The following STAC2 variants were observed in gnomAD, a reference collection of about 807,000 sequenced individuals.
The protein encoded by STAC2 is SH3 and cysteine rich domain 2, also known as SH3 and cysteine-rich domain-containing protein 2.
A neutral mutation model predicts 49.0 loss-of-function variants in STAC2; 36 were observed. That is an observed-to-expected ratio of 0.74 (90% CI 0.56 to 0.97). The LOEUF (loss-of-function observed/expected upper bound fraction) is 0.97. Among genes scored for constraint, STAC2 ranks in the 50% least tolerant of loss-of-function variants. The pLI, the probability that STAC2 is intolerant of heterozygous loss-of-function variation, is 0.00. For missense variants in STAC2, 527 were observed against 543.8 expected (o/e 0.97, Z 0.31); for synonymous variants, 239 against 214.7 (o/e 1.11, Z -0.99).
intron 1 of STAC2, among the ~76,000 whole-genome samples, chr17:39,222,072 C>T (rs756864557): frequency 1.1e-4 from 16 of 152,196 alleles, no homozygotes; most frequent in Non-Finnish European, 2.2e-4. Flanking sequence ...CGCCTATCAG[C>T]CCTCCTTCCT....
intron 8 of STAC2, 70 bp downstream of exon 8, chr17:39,214,163 C>G: frequency 6.4e-7 from 1 of 1,561,232 alleles, no homozygotes; most frequent in South Asian, 1.1e-5. Context: ...TGAAGGCCCC[C>G]CTCACACTGT....
chr17:39,221,381 C>G (rs562354630), intron 1 of STAC2, among the ~76,000 whole-genome samples: 151 of 152,242 alleles, frequency 9.9e-4, no homozygotes, highest in African/African-American at 3.2e-3. Flanking sequence ...TTACAGGCGT[C>G]AGCCACCGCG....
intron 1 of STAC2, among the ~76,000 whole-genome samples, chr17:39,220,827 C>G (rs1285435361): frequency 6.6e-6 from 1 of 151,404 alleles, no homozygotes; most frequent in Non-Finnish European, 1.5e-5. Flanking sequence ...GACGGAGTTT[C>G]ACTCTGTCGC....
intron 1 of STAC2, 51 bp from the exon 2 acceptor site, chr17:39,218,224 G>A: frequency 6.2e-7 from 1 of 1,603,952 alleles, no homozygotes; most frequent in Non-Finnish European, 8.5e-7. Flanking sequence ...GGGCTGGCCA[G>A]GGCGGGCTTC....
Position 39,215,003 on chromosome 17 carries a change from G to C in STAC2, c.720C>G (p.Thr240=), listed in dbSNP as rs35272507. The C allele has an allele frequency of 6.6e-5, 106 of 1,613,952 alleles. No individual in the cohort carries two copies. The African/African-American group carries it at 1.2e-3, about 18-fold the overall frequency. ...TGCGGATGCTGCCTTCCCCATCCTC[G>C]GTCAGCTCATCCCGCTCACTCTAGG... is the stretch of plus-strand genomic sequence containing the variant. ...TRSLSERDEL[T]EDGEGSIRSS... The change falls in exon 6 of 11, where the codon ACC becomes ACG. Residue 240 remains threonine, a synonymous_variant. Coordinates refer to ENST00000333461, the MANE Select transcript of STAC2 (RefSeq NM_198993.5).
chr17:39,222,423 G>C (rs2046471973), intron 1 of STAC2, among the ~76,000 whole-genome samples: 1 of 152,230 alleles, frequency 6.6e-6, no homozygotes, highest in African/African-American at 2.4e-5. Flanking sequence ...GCCACCTGGG[G>C]TGGCTGGCAG....
In STAC2 at chr17:39,212,352, G is replaced by A. The variant is rs764113751; in HGVS notation, c.1176C>T (p.Ile392=). 3.1e-6 allele frequency: 5 copies of A among 1,612,240 alleles called. No homozygotes were observed. The South Asian group carries it at 3.3e-5, about 11-fold the overall frequency. The change falls in exon 11 of 11, where the codon ATC becomes ATT. Residue 392 remains isoleucine, a synonymous_variant. Coordinates refer to ENST00000333461, the MANE Select transcript of STAC2 (RefSeq NM_198993.5). Reference sequence around the variant, plus strand: ...CCCGCTTCTTGCCACTGCTGACGCGGATGAAGCCGTCAGCATCCTTGCTTC... The same window carrying A: ...CCCGCTTCTTGCCACTGCTGACGCGAATGAAGCCGTCAGCATCCTTGCTTC... ...VGRSKDADGF[I]RVSSGKKRGL...
chr17:39,211,154 C>T lies in STAC2; in HGVS notation c.*1138G>A, dbSNP rs910930138. 2 of 152,388 alleles carry T rather than the reference C, an allele frequency of 1.3e-5. No homozygotes were observed. The highest frequency in any genetic ancestry group is 4.8e-5 in the African/African-American group (2 of 41,438). The allele number at this position is 152,388 out of a possible 1,614,324, so 9.4% of individuals were successfully genotyped here. A position where few individuals can be genotyped will look rare whatever the true frequency, so the allele number is the denominator to read the frequency against. The stretch of plus-strand genomic sequence containing the variant: ...CAGGAACTGACAGTCACAGGCTCCC[C>T]TGGCGGGTGGTTCCTGTGTGACCGG... On this transcript the variant is annotated 3_prime_UTR_variant, in exon 11 of 11. Coordinates refer to ENST00000333461, the MANE Select transcript of STAC2 (RefSeq NM_198993.5).
chr17:39,216,442 C>G (rs570157413), intron 4 of STAC2, among the ~76,000 whole-genome samples: 14 of 152,364 alleles, frequency 9.2e-5, no homozygotes, highest in African/African-American at 3.4e-4. Flanking sequence ...GAGTCCAGCA[C>G]TGTGCCTGGC....
At chr17:39,223,837 T>C (rs960083624) in intron 1 of STAC2, among the ~76,000 whole-genome samples, 5 of 152,190 alleles carry the variant, frequency 3.3e-5, no homozygotes, top group African/African-American at 9.7e-5. Flanking sequence ...GTTCAGCTCC[T>C]AGACCTTCTG....
intron 1 of STAC2, among the ~76,000 whole-genome samples, chr17:39,219,913 C>T (rs770591737): frequency 6.6e-6 from 1 of 152,168 alleles, no homozygotes; most frequent in Non-Finnish European, 1.5e-5. Flanking sequence ...GGGTAGCCTA[C>T]GTGCCATGGC....
In STAC2 at chr17:39,212,467, C is replaced by T. The variant is rs979307226; in HGVS notation, c.1132-71G>A. 3.4e-6 allele frequency: 4 copies of T among 1,186,648 alleles called. No individual in the cohort carries two copies. The African/African-American group carries it at 6.1e-5, about 18-fold the overall frequency. The allele number at this position is 1,186,648 out of a possible 1,614,324, so 73.5% of individuals were successfully genotyped here. On this transcript the variant is annotated intron_variant, in intron 10 of 10. Transcript: ENST00000333461. ...CCTGGCCCTGAGTCCTGCCCATGGCCCCCAGGGGACCCACCCTGGGGGATG... is the reference window on the plus strand; with the variant it reads ...CCTGGCCCTGAGTCCTGCCCATGGCTCCCAGGGGACCCACCCTGGGGGATG...
intron 1 of STAC2, among the ~76,000 whole-genome samples, chr17:39,220,015 AG>A (rs1374748811): frequency 6.6e-6 from 1 of 152,184 alleles, no homozygotes; most frequent in Non-Finnish European, 1.5e-5. Context: ...GGGGAAGCAG[AG>A]GGGATGTTTG....
chr17:39,216,541 G>C (rs1456371383), intron 4 of STAC2, among the ~76,000 whole-genome samples: 1 of 152,216 alleles, frequency 6.6e-6, no homozygotes, highest in East Asian at 1.9e-4. Context: ...AACATCCAGA[G>C]AAGGGAAATG....
In STAC2 at chr17:39,213,619, G is replaced by A. The variant is rs907295453; in HGVS notation, c.942-61C>T. ...GGGAGTAGTGCCCCTCCCCATCCTA[G>A]CAGACCCTGGGCACCTGGGGGACAC... On this transcript the variant is annotated intron_variant, in intron 8 of 10. Transcript: ENST00000333461. 5.1e-6 allele frequency: 8 copies of A among 1,559,958 alleles called. No individual in the cohort carries two copies. In the South Asian group the frequency reaches 8.9e-5, roughly 17 times the overall value.
intron 1 of STAC2, among the ~76,000 whole-genome samples, chr17:39,220,724 G>A (rs1033755326): frequency 3.9e-5 from 6 of 151,956 alleles, no homozygotes; most frequent in African/African-American, 7.3e-5. Context: ...TGCCCGCCTC[G>A]GCCTCCCAAA....
chr17:39,212,955 C>T (rs2046367469), intron 10 of STAC2, 40 bp downstream of exon 10: 5 of 1,606,640 alleles, frequency 3.1e-6, no homozygotes, highest in Non-Finnish European at 4.3e-6. Context: ...CCCACTCCCT[C>T]CCTCCGCCAT....
rs867728895 is a variant in STAC2, at chr17:39,217,760, G to A, written c.397+107C>T. 8.4e-5 allele frequency: 96 copies of A among 1,144,118 alleles called. No individual in the cohort carries two copies. In the African/African-American group the frequency reaches 1.4e-3, roughly 16 times the overall value. 70.9% of individuals were successfully genotyped at this position (1,144,118 alleles called of 1,614,324 possible). A position where few individuals can be genotyped will look rare whatever the true frequency, so the allele number is the denominator to read the frequency against. On this transcript the variant is annotated intron_variant, in intron 2 of 10. Coordinates refer to ENST00000333461, the MANE Select transcript of STAC2 (RefSeq NM_198993.5). The stretch of plus-strand genomic sequence containing the variant: ...AGGCACAGAGGCACAATTAGTATTG[G>A]GGCTCCTGAACAGCAAGAGCCCAAT...
chr17:39,214,314 A>G lies in STAC2; in HGVS notation c.860T>C (p.Leu287Pro). 1 of 1,613,966 alleles carries G rather than the reference A, an allele frequency of 6.2e-7. No individual in the cohort carries two copies. The highest frequency in any genetic ancestry group is 2.2e-5 in the East Asian group (1 of 44,874). Residue 287 changes from leucine to proline, a missense_variant, in exon 8 of 11, where the codon CTG becomes CCG. Leu to Pro is a moderately conservative substitution (Grantham distance 98). Transcript: ENST00000333461. ...GTACATGGGCCCCACATCCTTCCGC[A>G]GGGTGGCTTTGGGGAGCTGCGGGAG... Reference protein sequence around the residue: ...SPGQQLPKATLRKDVGPMYSY... With the variant: ...SPGQQLPKATPRKDVGPMYSY...
Sources: allele counts gnomAD v4.1 joint callset (sites outside exome capture counted in the v4.1 genomes callset), GRCh38; gene constraint gnomAD v4.1.1; transcripts MANE v1.5; gene names NCBI Gene and HGNC (gene_info 2026-07-23, HGNC 2026-07-21).